ACVR1C: variants seen among roughly 807,000 people sequenced by gnomAD.
The protein encoded by ACVR1C is activin receptor type-1C.
A neutral mutation model predicts 57.9 loss-of-function variants in ACVR1C; 23 were observed. The observed-to-expected ratio is 0.40, with a 90% CI of 0.29 to 0.56. The LOEUF (loss-of-function observed/expected upper bound fraction) is 0.56. Ranked by LOEUF, ACVR1C falls within the 20% of genes least tolerant of loss-of-function variation. The pLI is 0.50. For synonymous variants in ACVR1C, 214 were observed against 215.3 expected (o/e 0.99, Z 0.05); for missense variants, 480 against 607.9 (o/e 0.79, Z 2.21).
intron 1 of ACVR1C, among the ~76,000 whole-genome samples, chr2:157,599,776 T>A (rs537619008): frequency 4.5e-4 from 68 of 152,342 alleles, no homozygotes; most frequent in African/African-American, 1.5e-3. Flanking sequence ...GGATACTATT[T>A]CCAGCAATAT....
At chr2:157,559,363 G>T (rs1688182540) in intron 2 of ACVR1C, among the ~76,000 whole-genome samples, 1 of 152,054 alleles carries the variant, frequency 6.6e-6, no homozygotes, top group Admixed American at 6.5e-5. Flanking sequence ...GCAAACATTT[G>T]TAAAACTATG....
At chr2:157,618,756 AC>A (rs1573959198) in intron 1 of ACVR1C, among the ~76,000 whole-genome samples, 1 of 151,926 alleles carries the variant, frequency 6.6e-6, no homozygotes, top group East Asian at 1.9e-4. Context: ...AAAGCATATT[AC>A]CAGTAATAAA....
At chr2:157,618,967 C>T (rs906393112) in intron 1 of ACVR1C, among the ~76,000 whole-genome samples, 2 of 151,734 alleles carry the variant, frequency 1.3e-5, no homozygotes, top group African/African-American at 4.8e-5. Flanking sequence ...TGTCAACAAT[C>T]CTTTCTCAAT....
At chr2:157,606,807 T>G (rs1026530273) in intron 1 of ACVR1C, among the ~76,000 whole-genome samples, 1 of 151,808 alleles carries the variant, frequency 6.6e-6, no homozygotes, top group African/African-American at 2.4e-5. Flanking sequence ...GAAACTTTTT[T>G]TAGTTTAATA....
intron 1 of ACVR1C, among the ~76,000 whole-genome samples, chr2:157,607,670 T>C (rs116421599): frequency 0.014 from 2,083 of 151,780 alleles, 41 homozygotes; most frequent in African/African-American, 0.048. Context: ...TTTTCTTGTA[T>C]AGATGTTTCA....
intron 7 of ACVR1C, among the ~76,000 whole-genome samples, chr2:157,540,472 A>G (rs549203160): frequency 1.3e-5 from 2 of 151,508 alleles, no homozygotes; most frequent in South Asian, 2.1e-4. Flanking sequence ...CTAATTTTGT[A>G]TTTTTAGTAG....
intron 2 of ACVR1C, among the ~76,000 whole-genome samples, chr2:157,562,121 C>G (rs1573921272): frequency 6.6e-6 from 1 of 151,636 alleles, no homozygotes; most frequent in Admixed American, 6.6e-5. Context: ...ATAGTGAAAC[C>G]CTGTCTCTAC....
chr2:157,541,815 G>A (rs559911369), intron 6 of ACVR1C, among the ~76,000 whole-genome samples: 1 of 152,294 alleles, frequency 6.6e-6, no homozygotes, highest in East Asian at 1.9e-4. Flanking sequence ...CGGCTTGAAG[G>A]CCAGGTATAG....
intron 2 of ACVR1C, among the ~76,000 whole-genome samples, chr2:157,569,475 TA>T (rs1688471855): frequency 1.4e-5 from 1 of 71,506 alleles, no homozygotes; most frequent in Non-Finnish European, 2.8e-5. Context: ...GCAAGACTAA[TA>T]AAGAAAAAAA....
chr2:157,574,304 C>G (rs116099983), intron 2 of ACVR1C, among the ~76,000 whole-genome samples: 3,170 of 152,292 alleles, frequency 0.021, 52 homozygotes, highest in Non-Finnish European at 0.033. Context: ...GGCACCTTCT[C>G]CCTGTGTCCT....
intron 2 of ACVR1C, among the ~76,000 whole-genome samples, chr2:157,561,826 CT>C (rs1688234621): frequency 6.6e-6 from 1 of 152,150 alleles, no homozygotes; most frequent in Admixed American, 6.5e-5. Context: ...TGATGCTTTA[CT>C]AAGTTGGTTC....
chr2:157,589,833 C>T (rs1424720432), intron 1 of ACVR1C, among the ~76,000 whole-genome samples: 2 of 151,778 alleles, frequency 1.3e-5, no homozygotes, highest in African/African-American at 4.8e-5. Context: ...TAAAAGTAGA[C>T]ACATAGACCA....
intron 6 of ACVR1C, among the ~76,000 whole-genome samples, chr2:157,542,207 T>G (rs79305490): frequency 0.037 from 5,645 of 152,220 alleles, 179 homozygotes; most frequent in Admixed American, 0.089. Context: ...TGTTATATAA[T>G]ATATTTAAAG....
Position 157,544,438 on chromosome 2 carries a change from T to TA in ACVR1C, c.943+6dup. 1 of 1,602,982 alleles carries TA rather than the reference T, an allele frequency of 6.2e-7. No individual in the cohort carries two copies. The highest frequency in any genetic ancestry group is 8.5e-7 in the Non-Finnish European group (1 of 1,176,112). ...AAGTGGAAAAAAAATGAAAAGGAAA[T>TA]ACATACCTTGTGTACCAACAATCTC... On this transcript the variant is annotated splice_region_variant and intron_variant, in intron 5 of 8. Transcript: ENST00000243349.
rs762579022 is a variant in ACVR1C at position 157,592,778 on chromosome 2, T to C, written c.74-5361A>G. Among the ~76,000 whole-genome samples, 6 of 152,132 alleles carry C rather than the reference T, an allele frequency of 3.9e-5. No individual in the cohort carries two copies. The South Asian group carries it at 6.2e-4, about 16-fold the overall frequency. Reference sequence around the variant, plus strand: ...TAGTGATTAGACATGATTTCATATTTTGTCTCTTTCAAAAAAAACTGATGT... The same window carrying C: ...TAGTGATTAGACATGATTTCATATTCTGTCTCTTTCAAAAAAAACTGATGT... On this transcript the variant is annotated intron_variant, in intron 1 of 8. Transcript: ENST00000243349.
chr2:157,577,028 G>C lies in ACVR1C; in HGVS notation c.304+10159C>G, dbSNP rs902032450. On this transcript the variant is annotated intron_variant, in intron 2 of 8. Coordinates refer to ENST00000243349, the MANE Select transcript of ACVR1C (RefSeq NM_145259.3). The stretch of plus-strand genomic sequence containing the variant: ...CGCCACCGCGCCCGGCTAATTTTTT[G>C]TATTTTTTAGTAGAGACGGGGTTTC... Among the ~76,000 whole-genome samples the C allele has an allele frequency of 4.3e-5, 4 of 92,744 alleles. 1 individual carries two copies. The highest frequency in any genetic ancestry group is 1.9e-4 in the African/African-American group (4 of 20,570). The allele number at this position is 92,744 out of a possible 152,430, so 60.8% of individuals were successfully genotyped here.
intron 3 of ACVR1C, among the ~76,000 whole-genome samples, chr2:157,554,243 G>GAAAGAAAGAAAGAAAGAAAGAAAA (rs1558974981): frequency 8.4e-6 from 1 of 118,668 alleles, no homozygotes; most frequent in African/African-American, 3.9e-5. Context: ...AAGAAAGAAA[G>GAAAGAAAGAAAGAAAGAAAGAAAA]AAAGAAAGAA....
intron 1 of ACVR1C, chr2:157,597,308 A>C (rs1682150996): frequency 1.0e-6 from 1 of 979,064 alleles, no homozygotes; most frequent in Admixed American, 6.2e-5. Context: ...CGCGCTCCCC[A>C]CCCCAAAAAG....
chr2:157,592,270 C>A (rs1202375934), intron 1 of ACVR1C, among the ~76,000 whole-genome samples: 1 of 152,012 alleles, frequency 6.6e-6, no homozygotes, highest in Non-Finnish European at 1.5e-5. Flanking sequence ...CTCTTTGAAG[C>A]ACTACTGGCT....
Sources: allele counts gnomAD v4.1 joint callset (sites outside exome capture counted in the v4.1 genomes callset), GRCh38; gene constraint gnomAD v4.1.1; transcripts MANE v1.5; gene names NCBI Gene and HGNC (gene_info 2026-07-23, HGNC 2026-07-21).